DLGAP2: variants seen among roughly 807,000 people sequenced by gnomAD.
The protein encoded by DLGAP2 is DLG associated protein 2, also known as disks large-associated protein 2.
A neutral mutation model predicts 100.3 loss-of-function variants in DLGAP2; 26 were observed. That is an observed-to-expected ratio of 0.26 (90% CI 0.19 to 0.36). The LOEUF (loss-of-function observed/expected upper bound fraction) is 0.36, where lower values mean the gene tolerates loss of function less well. Ranked by LOEUF, DLGAP2 falls within the 10% of genes least tolerant of loss-of-function variation. The pLI is 1.00. For missense variants in DLGAP2, 1,858 were observed against 1,453.2 expected, an observed-to-expected ratio of 1.28 and a Z score of -4.53; for synonymous variants, 886 against 630.1, an observed-to-expected ratio of 1.41 and a Z score of -6.08.
At chr8:1,370,549 A>G (rs1021433728) in intron 3 of DLGAP2, among the ~76,000 whole-genome samples, 7 of 152,348 alleles carry the variant, frequency 4.6e-5, no homozygotes, top group African/African-American at 1.7e-4. Context: ...ATTTGCTTAA[A>G]ATAAAATGCT....
intron 1 of DLGAP2, among the ~76,000 whole-genome samples, chr8:787,378 C>A (rs1298047425): frequency 1.3e-5 from 2 of 152,236 alleles, no homozygotes; most frequent in Non-Finnish European, 2.9e-5. Flanking sequence ...GTTAGCCATG[C>A]TCGTTGCAAG....
intron 1 of DLGAP2, among the ~76,000 whole-genome samples, chr8:766,331 G>C (rs1332528050): frequency 6.6e-6 from 1 of 152,206 alleles, no homozygotes; most frequent in Non-Finnish European, 1.5e-5. Flanking sequence ...CGGTGTGGCT[G>C]CACACCCCTT....
chr8:1,431,513 A>G (rs1045642937), intron 3 of DLGAP2, among the ~76,000 whole-genome samples: 1 of 152,232 alleles, frequency 6.6e-6, no homozygotes, highest in African/African-American at 2.4e-5. Context: ...GAAAGGAGAA[A>G]GGAAGAGGCA....
At chr8:826,654 C>T (rs928972763) in intron 1 of DLGAP2, among the ~76,000 whole-genome samples, 13 of 152,148 alleles carry the variant, frequency 8.5e-5, no homozygotes, top group South Asian at 2.1e-4. Flanking sequence ...CCTGGTGTCT[C>T]GAGGGTCCCG....
chr8:1,669,952 C>T (rs986341595), intron 10 of DLGAP2, among the ~76,000 whole-genome samples, 168 bp downstream of exon 10: 2 of 152,184 alleles, frequency 1.3e-5, no homozygotes, highest in Admixed American at 6.5e-5. Context: ...AGGGGCTCAC[C>T]AGGGTCCCTA....
intron 3 of DLGAP2, among the ~76,000 whole-genome samples, chr8:1,459,008 G>C (rs896837708): frequency 1.3e-5 from 2 of 151,592 alleles, no homozygotes; most frequent in African/African-American, 4.9e-5. Context: ...CTACAGACCA[G>C]CATGCGTCCC....
chr8:792,143 G>C (rs992876573), intron 1 of DLGAP2, among the ~76,000 whole-genome samples: 2 of 152,182 alleles, frequency 1.3e-5, no homozygotes, highest in African/African-American at 2.4e-5. Context: ...AAGAGTTCTA[G>C]AGAGGCTGAA....
chr8:844,504 C>T lies in DLGAP2; in HGVS notation c.19-63408C>T, dbSNP rs560638138. Among the ~76,000 whole-genome samples the T allele has an allele frequency of 8.5e-5, 13 of 152,266 alleles. No homozygotes were observed. In the East Asian group the frequency reaches 2.5e-3, roughly 29 times the overall value. On this transcript the variant is annotated intron_variant, in intron 1 of 14. Coordinates refer to ENST00000637795, the MANE Select transcript of DLGAP2 (RefSeq NM_001346810.2). ...TGGTAGACTACAGTCTCTCTCGACC[C>T]CCTTTCCAGCCATGCTGTCCTTCGT... is the stretch of plus-strand genomic sequence containing the variant.
Position 1,536,781 on chromosome 8 carries a change from C to T in DLGAP2, c.173-11845C>T, listed in dbSNP as rs562861816. Among the ~76,000 whole-genome samples the T allele has an allele frequency of 7.9e-5, 12 of 152,282 alleles. No homozygotes were observed. The East Asian group carries it at 1.7e-3, about 22-fold the overall frequency. Reference sequence around the variant, plus strand: ...CTGCCACTTCTCTCCCAAGTTTTCCCACCTCTTTATTTTTATTTCCATTCA... The same window carrying T: ...CTGCCACTTCTCTCCCAAGTTTTCCTACCTCTTTATTTTTATTTCCATTCA... On this transcript the variant is annotated intron_variant, in intron 4 of 14. Transcript: ENST00000637795.
intron 2 of DLGAP2, among the ~76,000 whole-genome samples, chr8:1,045,868 G>A (rs1802499688): frequency 6.6e-6 from 1 of 152,174 alleles, no homozygotes; most frequent in Non-Finnish European, 1.5e-5. Context: ...CCCCCTGGTT[G>A]CTCAGATGTC....
chr8:806,242 T>C (rs879650504), intron 1 of DLGAP2, among the ~76,000 whole-genome samples: 5 of 152,138 alleles, frequency 3.3e-5, no homozygotes, highest in African/African-American at 9.7e-5. Flanking sequence ...TACAGGATCA[T>C]GTAATTGGAA....
chr8:1,240,239 C>CGCCGTGTCTAGTTCTCTCACGTGGT (rs1563273646), intron 2 of DLGAP2, among the ~76,000 whole-genome samples: 7 of 51,176 alleles, frequency 1.4e-4, no homozygotes, highest in East Asian at 1.1e-3. Context: ...TCTCACATGG[C>CGCCGTGTCTAGTTCTCTCACGTGGT]GCCGTGTCTA....
At chr8:1,334,181 T>C (rs907626878) in intron 3 of DLGAP2, among the ~76,000 whole-genome samples, 3 of 152,220 alleles carry the variant, frequency 2.0e-5, no homozygotes, top group African/African-American at 7.2e-5. Context: ...TGGGCTGCCT[T>C]GAAAGCAAAG....
chr8:798,664 T>C (rs1481005001), intron 1 of DLGAP2, among the ~76,000 whole-genome samples: 7 of 130,710 alleles, frequency 5.4e-5, no homozygotes, highest in Non-Finnish European at 1.1e-4. Context: ...CCGTTGGCAC[T>C]GAAAGCAAAT....
At chr8:756,097 G>A (rs111512387) in intron 1 of DLGAP2, among the ~76,000 whole-genome samples, 28 of 152,208 alleles carry the variant, frequency 1.8e-4, no homozygotes, top group African/African-American at 6.0e-4. Flanking sequence ...GGCTTTTTTT[G>A]TGCTAATAGT....
intron 4 of DLGAP2, among the ~76,000 whole-genome samples, chr8:1,525,899 G>T (rs563154678): frequency 6.6e-6 from 1 of 152,238 alleles, no homozygotes; most frequent in South Asian, 2.1e-4. Flanking sequence ...TCTGTAAAGT[G>T]GATTTATGCT....
chr8:1,431,271 CAATGTTTTGT>C (rs750783769), intron 3 of DLGAP2, among the ~76,000 whole-genome samples: 18 of 152,276 alleles, frequency 1.2e-4, no homozygotes, highest in African/African-American at 4.1e-4. Context: ...AGTCCCGATT[CAATGTTTTGT>C]AATGTTTTTA....
At chr8:768,993 C>A (rs1363289891) in intron 1 of DLGAP2, among the ~76,000 whole-genome samples, 10 of 152,058 alleles carry the variant, frequency 6.6e-5, no homozygotes, top group African/African-American at 1.9e-4. Flanking sequence ...TCCCTCATGG[C>A]TGCAGCTTCC....
rs774607822 is a variant in DLGAP2, at chr8:1,697,188, C to T, written c.2838C>T (p.Ala946=). ...CGAGGCCGACGTCGCAGGACCTGGC[C>T]GGCTACTGGGACATGCTGCAGCTCT... The part of the protein sequence containing the change: ...AMPRPTSQDL[A]GYWDMLQLSI... The change falls in exon 14 of 15, where the codon GCC becomes GCT. Residue 946 remains alanine (A), a synonymous_variant. Transcript: ENST00000637795. 1.3e-5 allele frequency: 21 copies of T among 1,608,616 alleles called. No individual in the cohort carries two copies. The highest frequency in any genetic ancestry group is 3.3e-5 in the South Asian group (3 of 90,766).
Sources: gnomAD v4.1 joint callset for allele counts (sites outside exome capture counted in the v4.1 genomes callset) on GRCh38, gnomAD v4.1.1 for gene constraint, MANE v1.5 for transcripts, NCBI Gene and HGNC (gene_info 2026-07-23, HGNC 2026-07-21) for gene names.